Variants in PAPPA2 observed in about 807,000 individuals in gnomAD.
The protein encoded by PAPPA2 is pappalysin 2.
PAPPA2 carries 86 observed loss-of-function variants against 176.4 expected under a neutral mutation model. The observed-to-expected ratio is 0.49, with a 90% CI of 0.41 to 0.58. The LOEUF (loss-of-function observed/expected upper bound fraction) is 0.58, where lower values mean the gene tolerates loss of function less well. Ranked by LOEUF, PAPPA2 falls within the 20% of genes least tolerant of loss-of-function variation. The probability of loss-of-function intolerance (pLI) is 0.00; values close to 1 mark genes in which losing one functional copy is unlikely to be tolerated. For missense variants in PAPPA2, 2,073 were observed against 2,256.9 expected, an observed-to-expected ratio of 0.92 and a Z score of 1.65; for synonymous variants, 809 against 852.2, an observed-to-expected ratio of 0.95 and a Z score of 0.88.
intron 3 of PAPPA2, among the ~76,000 whole-genome samples, chr1:176,627,819 C>T (rs1415466237): frequency 6.6e-6 from 1 of 152,002 alleles, no homozygotes; most frequent in East Asian, 1.9e-4. Context: ...GTGTAAGAGT[C>T]CATGGAGAAA....
At chr1:176,473,794 C>T (rs562396564) in intron 1 of PAPPA2, among the ~76,000 whole-genome samples, 24 of 152,264 alleles carry the variant, frequency 1.6e-4, no homozygotes, top group African/African-American at 4.8e-4. Flanking sequence ...TGATGTTGAA[C>T]GTCTTTTCGT....
At chr1:176,779,527 GA>G (rs1664622111) in intron 17 of PAPPA2, among the ~76,000 whole-genome samples, 2 of 150,306 alleles carry the variant, frequency 1.3e-5, no homozygotes, top group African/African-American at 5.0e-5. Context: ...CACAGAGAGA[GA>G]GAGAGAGAGA....
rs534521940 is a variant in PAPPA2, at chr1:176,691,224, T to C, written c.2431+794T>C. On this transcript the variant is annotated intron_variant, in intron 5 of 22. Transcript: ENST00000367662. ...GACCTAGTACAATGGTGAAAGAAGA[T>C]ATTTTTTCTATAAGTTTTGGGGGCT... The C allele has an allele frequency of 1.5e-5, 14 of 953,136 alleles. No homozygotes were observed. The South Asian group carries it at 6.3e-4, about 43-fold the overall frequency. 59.0% of individuals were successfully genotyped at this position (953,136 alleles called of 1,614,324 possible).
rs1665861689 is a variant in PAPPA2, at chr1:176,805,466, G to A, written c.5202+5334G>A. Reference sequence around the variant, plus strand: ...GAGAGAGCTGCAGAGAAGGACAGAGGCCGAGTGATGTCAGAGAATTAGGTT... The same window carrying A: ...GAGAGAGCTGCAGAGAAGGACAGAGACCGAGTGATGTCAGAGAATTAGGTT... On this transcript the variant is annotated intron_variant, in intron 21 of 22. Transcript: ENST00000367662. 2.0e-5 allele frequency among the ~76,000 whole-genome samples: 3 copies of A among 152,172 alleles called. No individual in the cohort carries two copies. In the South Asian group the frequency reaches 6.2e-4, roughly 32 times the overall value.
At chr1:176,716,308 C>T (rs1197165461) in intron 12 of PAPPA2, among the ~76,000 whole-genome samples, 1 of 150,042 alleles carries the variant, frequency 6.7e-6, no homozygotes, top group Non-Finnish European at 1.5e-5. Flanking sequence ...TGCAATGGCG[C>T]GATCTTGGCT....
chr1:176,717,654 T>C (rs963897444), intron 12 of PAPPA2, among the ~76,000 whole-genome samples: 1 of 152,242 alleles, frequency 6.6e-6, no homozygotes. Flanking sequence ...AAGCCCCAGT[T>C]TGGGGGCTTG....
At chr1:176,553,045 G>A (rs1055745128) in intron 1 of PAPPA2, among the ~76,000 whole-genome samples, 27 of 152,032 alleles carry the variant, frequency 1.8e-4, no homozygotes, top group Admixed American at 9.2e-4. Context: ...CCCTGGCATC[G>A]AGGGTGGGTG....
chr1:176,755,645 C>T (rs1277687794), intron 14 of PAPPA2, among the ~76,000 whole-genome samples: 1 of 152,112 alleles, frequency 6.6e-6, no homozygotes, highest in Non-Finnish European at 1.5e-5. Flanking sequence ...TTAGGAAGTG[C>T]CCCACAAGGA....
At chr1:176,771,655 T>C (rs140662341) in intron 17 of PAPPA2, among the ~76,000 whole-genome samples, 249 of 152,334 alleles carry the variant, frequency 1.6e-3, no homozygotes, top group African/African-American at 5.9e-3. Context: ...CAATCAAACA[T>C]AAAATTCAGT....
chr1:176,771,340 G>T (rs1664215922), intron 17 of PAPPA2, among the ~76,000 whole-genome samples, 160 bp downstream of exon 17: 1 of 152,208 alleles, frequency 6.6e-6, no homozygotes, highest in Admixed American at 6.5e-5. Context: ...TCCAATAGAA[G>T]ATCCCACAGT....
intron 3 of PAPPA2, among the ~76,000 whole-genome samples, chr1:176,627,795 G>A (rs1656113961): frequency 1.3e-5 from 2 of 152,158 alleles, no homozygotes; most frequent in South Asian, 4.1e-4. Flanking sequence ...CCACATAACA[G>A]TAGGAAAAGC....
intron 17 of PAPPA2, among the ~76,000 whole-genome samples, chr1:176,787,265 G>A (rs1294460731): frequency 2.0e-5 from 3 of 150,912 alleles, no homozygotes; most frequent in Non-Finnish European, 4.4e-5. Context: ...TTTGGACACA[G>A]TCTGTATCAC....
At chr1:176,665,573 A>G (rs1658594690) in intron 3 of PAPPA2, among the ~76,000 whole-genome samples, 1 of 152,190 alleles carries the variant, frequency 6.6e-6, no homozygotes, top group African/African-American at 2.4e-5. Flanking sequence ...CTGCTTGTCT[A>G]TCCTGGATTT....
At chr1:176,684,347 GA>G (rs1659732756) in intron 4 of PAPPA2, among the ~76,000 whole-genome samples, 1 of 152,112 alleles carries the variant, frequency 6.6e-6, no homozygotes, top group South Asian at 2.1e-4. Flanking sequence ...TCAGTCCGTC[GA>G]CAGCCTTGCA....
At position 176,711,986 on chromosome 1, in the gene PAPPA2, G is replaced by A; in HGVS notation, c.3798+5G>A. The A allele has an allele frequency of 1.9e-6, 3 of 1,609,124 alleles. No homozygotes were observed. The highest frequency in any genetic ancestry group is 2.6e-6 in the Non-Finnish European group (3 of 1,175,870). On this transcript the variant is annotated splice_donor_5th_base_variant and intron_variant, in intron 12 of 22. Coordinates refer to ENST00000367662, the MANE Select transcript of PAPPA2 (RefSeq NM_020318.3). ...GAGGATGAGGTTTGGCTCAAAGTAAGTGGCCCAAATGTTTCTTTTGTGCAT... is the reference window on the plus strand; with the variant it reads ...GAGGATGAGGTTTGGCTCAAAGTAAATGGCCCAAATGTTTCTTTTGTGCAT...
chr1:176,572,862 T>C (rs935051960), intron 2 of PAPPA2, among the ~76,000 whole-genome samples: 1 of 152,216 alleles, frequency 6.6e-6, no homozygotes, highest in African/African-American at 2.4e-5. Flanking sequence ...TCCTATAATG[T>C]CCCTGGATCA....
chr1:176,656,420 A>T (rs1658033684), intron 3 of PAPPA2, among the ~76,000 whole-genome samples: 1 of 151,868 alleles, frequency 6.6e-6, no homozygotes, highest in African/African-American at 2.4e-5. Flanking sequence ...TCTGTCTTTG[A>T]CAACTCTTTG....
In PAPPA2 at chr1:176,791,173, A is replaced by ATTTTTTTTTT. The variant is rs57185368; in HGVS notation, c.4885-155_4885-146dup. ...TTCCTCTGCTTGGAAAAAGCAAAGA[A>ATTTTTTTTTT]TTTTTTTTTTTTTTTTTTTTTTTTT... On this transcript the variant is annotated intron_variant, in intron 18 of 22. Coordinates refer to ENST00000367662, the MANE Select transcript of PAPPA2 (RefSeq NM_020318.3). Among the ~76,000 whole-genome samples the ATTTTTTTTTT allele has an allele frequency of 2.3e-4, 19 of 80,878 alleles. 2 individuals carry two copies. Among genetic ancestry groups the ATTTTTTTTTT allele is most frequent in the African/African-American group, 1.0e-3 (17 of 16,584 alleles). 53.1% of individuals were successfully genotyped at this position (80,878 alleles called of 152,430 possible).
intron 4 of PAPPA2, among the ~76,000 whole-genome samples, chr1:176,672,921 G>A (rs1466938057): frequency 6.6e-6 from 1 of 152,142 alleles, no homozygotes; most frequent in African/African-American, 2.4e-5. Context: ...CAAGGCAAGA[G>A]CATTGCATGT....
Sources: allele counts gnomAD v4.1 joint callset (sites outside exome capture counted in the v4.1 genomes callset), GRCh38; gene constraint gnomAD v4.1.1; transcripts MANE v1.5; gene names NCBI Gene and HGNC (gene_info 2026-07-23, HGNC 2026-07-21).